The following EIF4A2 variants were observed in gnomAD, a reference collection of about 807,000 sequenced individuals.
EIF4A2 encodes eukaryotic translation initiation factor 4A2.
In EIF4A2, 9 loss-of-function variants were observed where a neutral mutation model predicts 50.6. That is an observed-to-expected ratio of 0.18 (90% CI 0.11 to 0.31). The LOEUF is 0.31. EIF4A2 is among the 10% of genes least tolerant of loss of function. EIF4A2 has a pLI of 1.00. For synonymous variants in EIF4A2, 215 were observed against 164.4 expected, an observed-to-expected ratio of 1.31 and a Z score of -2.35; for missense variants, 182 against 501.8, an observed-to-expected ratio of 0.36 and a Z score of 6.09.
chr3:186,787,640 G>T, intron 9 of EIF4A2, 56 bp downstream of exon 9: 1 of 1,609,192 alleles, frequency 6.2e-7, no homozygotes, highest in Non-Finnish European at 8.5e-7. Flanking sequence ...TTGGGGGGCA[G>T]GTTTTTAAGT....
At chr3:186,785,232 G>A in intron 4 of EIF4A2, 131 bp downstream of exon 4, 1 of 1,360,588 alleles carries the variant, frequency 7.3e-7, no homozygotes, top group Non-Finnish European at 1.0e-6. Context: ...CATGCATGCA[G>A]GGAGTTTTTG....
chr3:186,788,326 T>C (rs1721892028), intron 10 of EIF4A2: 1 of 1,290,380 alleles, frequency 7.7e-7, no homozygotes, highest in Non-Finnish European at 1.0e-6. Context: ...ATAGCAGCAG[T>C]TGGTGACGAG....
intron 10 of EIF4A2, chr3:186,788,463 TAAGTTGCTCC>T: frequency 8.2e-7 from 1 of 1,225,254 alleles, no homozygotes; most frequent in South Asian, 1.4e-5. Context: ...ATTTGATTTT[TAAGTTGCTCC>T]AGCTAAGGCA....
In EIF4A2 at chr3:186,789,781, CCT is replaced by C. The variant is rs1722006863; in HGVS notation, c.*513_*514del. The C allele has an allele frequency of 1.8e-6, 1 of 559,892 alleles. No individual in the cohort carries two copies. Among genetic ancestry groups the C allele is most frequent in the Non-Finnish European group, 3.2e-6 (1 of 316,894 alleles). The allele number at this position is 559,892 out of a possible 1,614,324, so 34.7% of individuals were successfully genotyped here. On this transcript the variant is annotated 3_prime_UTR_variant, in exon 11 of 11. Coordinates refer to ENST00000323963, the MANE Select transcript of EIF4A2 (RefSeq NM_001967.4). ...AATTAGTGCTAAGTGTGAACTGGACCCTGTTGCTAAGCCCCAGCAAGCAATCC... is the reference window on the plus strand; with the variant it reads ...AATTAGTGCTAAGTGTGAACTGGACCGTTGCTAAGCCCCAGCAAGCAATCC...
intron 7 of EIF4A2, 113 bp downstream of exon 7, chr3:186,786,758 C>T: frequency 7.0e-7 from 1 of 1,418,450 alleles, no homozygotes; most frequent in Non-Finnish European, 9.9e-7. Flanking sequence ...AGAGTACACA[C>T]AAGAAGAAAA....
chr3:186,787,107 T>TG lies in EIF4A2; in HGVS notation c.772-20_772-19insG, dbSNP rs1287987221. 2.5e-6 allele frequency: 4 copies of TG among 1,612,178 alleles called. No individual in the cohort carries two copies. The African/African-American group carries it at 5.3e-5, about 22-fold the overall frequency. On this transcript the variant is annotated intron_variant, in intron 7 of 10. Coordinates refer to ENST00000323963, the MANE Select transcript of EIF4A2 (RefSeq NM_001967.4). ...TGGAAAAACTAAATGACTGTTAACT[T>TG]TAACTTCTAAACATTACAGGAATGG... is the stretch of plus-strand genomic sequence containing the variant.
rs376815745 is a variant in EIF4A2, at chr3:186,786,062, T to C, written c.517+11T>C. ...ACAGAAGATACCTTTGTAAGTATTGTCTTTAAGAGAGTATTTTTTTTAAAA... is the reference window on the plus strand; with the variant it reads ...ACAGAAGATACCTTTGTAAGTATTGCCTTTAAGAGAGTATTTTTTTTAAAA... On this transcript the variant is annotated intron_variant, in intron 5 of 10. Coordinates refer to ENST00000323963, the MANE Select transcript of EIF4A2 (RefSeq NM_001967.4). The C allele has an allele frequency of 1.7e-5, 27 of 1,600,684 alleles. No homozygotes were observed. Among genetic ancestry groups the C allele is most frequent in the Admixed American group, 6.7e-5 (4 of 59,572 alleles).
At position 186,787,110 on chromosome 3, in the gene EIF4A2, A is replaced by G. The variant is rs963586792; in HGVS notation, c.772-17A>G. The G allele has an allele frequency of 1.2e-6, 2 of 1,612,138 alleles. No homozygotes were observed. The highest frequency in any genetic ancestry group is 1.3e-5 in the African/African-American group (1 of 74,844). ...AAAAACTAAATGACTGTTAACTTTAACTTCTAAACATTACAGGAATGGAAG... is the reference window on the plus strand; with the variant it reads ...AAAAACTAAATGACTGTTAACTTTAGCTTCTAAACATTACAGGAATGGAAG... On this transcript the variant is annotated splice_polypyrimidine_tract_variant and intron_variant, in intron 7 of 10. Transcript: ENST00000323963.
At chr3:186,783,763 C>G (rs957246975) in intron 1 of EIF4A2, 124 bp downstream of exon 1, 1 of 1,480,230 alleles carries the variant, frequency 6.8e-7, no homozygotes, top group Non-Finnish European at 9.4e-7. Flanking sequence ...TACAGCACTC[C>G]TGTGCCCTTC....
Position 186,789,107 on chromosome 3 carries a change from ATTC to A in EIF4A2, c.1080-15_1080-13del. On this transcript the variant is annotated splice_polypyrimidine_tract_variant and intron_variant, in intron 10 of 10. Transcript: ENST00000323963. ...ACATTATGTGAGAAGTAACGTTCTG[ATTC>A]TTTTTCTTACACAGAATTGGCAGAG... 3 of 1,610,798 alleles carry A rather than the reference ATTC, an allele frequency of 1.9e-6. No homozygotes were observed. The highest frequency in any genetic ancestry group is 2.5e-6 in the Non-Finnish European group (3 of 1,178,480).
chr3:186,786,712 CT>C, intron 7 of EIF4A2, 67 bp downstream of exon 7: 1 of 1,601,284 alleles, frequency 6.2e-7, no homozygotes, highest in African/African-American at 1.4e-5. Flanking sequence ...ATTGCAGACA[CT>C]AGGACCATGT....
At chr3:186,784,504 C>G (rs374240850) in intron 2 of EIF4A2, 27 bp downstream of exon 2, 1 of 1,614,160 alleles carries the variant, frequency 6.2e-7, no homozygotes, top group Non-Finnish European at 8.5e-7. Context: ...GATCTTGAAG[C>G]TTTGGAAAGG....
At position 186,783,590 on chromosome 3, in the gene EIF4A2, C is replaced by T. The variant is rs185312410; in HGVS notation, c.-21C>T. The T allele has an allele frequency of 3.1e-4, 507 of 1,614,090 alleles. 3 individuals are homozygous for T. In the African/African-American group the frequency reaches 3.2e-3, roughly 10 times the overall value. On this transcript the variant is annotated 5_prime_UTR_variant, in exon 1 of 11. Coordinates refer to ENST00000323963, the MANE Select transcript of EIF4A2 (RefSeq NM_001967.4). Reference sequence around the variant, plus strand: ...GGGCGCCGCTGTCTTTTCAGTCGGGCGCTGAGTGGTTTTTCGGATCATGTC... The same window carrying T: ...GGGCGCCGCTGTCTTTTCAGTCGGGTGCTGAGTGGTTTTTCGGATCATGTC...
chr3:186,784,196 G>C (rs1721551807), intron 1 of EIF4A2: 3 of 590,542 alleles, frequency 5.1e-6, no homozygotes, highest in Non-Finnish European at 8.8e-6. Flanking sequence ...CTCGCGAGAC[G>C]CTCCGCAGTT....
intron 9 of EIF4A2, 36 bp downstream of exon 9, chr3:186,787,620 A>T (rs1721813678): frequency 6.2e-7 from 1 of 1,613,356 alleles, no homozygotes; most frequent in Non-Finnish European, 8.5e-7. Context: ...ATCTACCAAA[A>T]GTTAGCTTTT....
intron 6 of EIF4A2, 39 bp downstream of exon 6, chr3:186,786,312 G>T: frequency 1.9e-6 from 3 of 1,585,818 alleles, no homozygotes; most frequent in Non-Finnish European, 2.6e-6. Context: ...GGTAGAGATG[G>T]GGTTTATTTA....
At chr3:186,785,446 G>C (rs764023730) in intron 4 of EIF4A2, 25 of 343,220 alleles carry the variant, frequency 7.3e-5, no homozygotes, top group Middle Eastern at 8.5e-4. Context: ...TGCATGCTAT[G>C]TTTTCAAAGC....
chr3:186,787,977 C>G (rs1721851475), intron 10 of EIF4A2, 95 bp downstream of exon 10: 5 of 1,270,308 alleles, frequency 3.9e-6, no homozygotes, highest in Admixed American at 2.0e-5. Context: ...GGAATAGATT[C>G]AGTAAAGTCA....
chr3:186,784,688 G>A lies in EIF4A2; in HGVS notation c.200G>A (p.Cys67Tyr). 1.2e-6 allele frequency: 2 copies of A among 1,613,550 alleles called. No homozygotes were observed. The highest frequency in any genetic ancestry group is 2.2e-5 in the East Asian group (1 of 44,872). ...ATTCAGCAGAGAGCTATTATTCCCT[G>A]TATTAAAGGTAAAAGAAACTGGCAT... is the stretch of plus-strand genomic sequence containing the variant. ...SAIQQRAIIP[C>Y]IKGYDVIAQA... The change falls in exon 3 of 11, where the codon TGT (cysteine) becomes TAT (tyrosine). Residue 67 changes from cysteine (C) to tyrosine (Y), a missense_variant. Cys to Tyr is a radical substitution (Grantham distance 194). Transcript: ENST00000323963.
Sources: gnomAD v4.1 joint callset for allele counts on GRCh38, gnomAD v4.1.1 for gene constraint, MANE v1.5 for transcripts, NCBI Gene and HGNC (gene_info 2026-07-23, HGNC 2026-07-21) for gene names.